Variants in APBB1IP observed in about 807,000 individuals in gnomAD.
The protein encoded by APBB1IP is amyloid beta A4 precursor protein-binding family B member 1-interacting protein.
A neutral mutation model predicts 64.9 loss-of-function variants in APBB1IP; 27 were observed. The observed-to-expected ratio is 0.42, with a 90% CI of 0.31 to 0.57. The LOEUF (loss-of-function observed/expected upper bound fraction) is 0.57. APBB1IP is among the 20% of genes least tolerant of loss of function. APBB1IP has a pLI of 0.20. For synonymous variants in APBB1IP, 392 were observed against 331.0 expected, an observed-to-expected ratio of 1.18 and a Z score of -2.00; for missense variants, 812 against 845.5, an observed-to-expected ratio of 0.96 and a Z score of 0.49.
At chr10:26,544,604 C>T (rs1227400935) in intron 11 of APBB1IP, among the ~76,000 whole-genome samples, 1 of 152,056 alleles carries the variant, frequency 6.6e-6, no homozygotes. Context: ...GAGCCAAACC[C>T]CAGGGCTGGG....
At chr10:26,505,466 TG>T (rs1348077473) in intron 6 of APBB1IP, among the ~76,000 whole-genome samples, 2 of 152,206 alleles carry the variant, frequency 1.3e-5, no homozygotes, top group Admixed American at 6.5e-5. Context: ...TGCTCAGTCC[TG>T]GGTGCCCAGT....
intron 11 of APBB1IP, among the ~76,000 whole-genome samples, chr10:26,554,017 C>T (rs1269430291): frequency 1.3e-5 from 2 of 152,190 alleles, no homozygotes; most frequent in Admixed American, 6.5e-5. Flanking sequence ...ACAGCTCCAA[C>T]CATTGTCTGT....
At chr10:26,445,978 G>T (rs1217350269) in intron 2 of APBB1IP, among the ~76,000 whole-genome samples, 1 of 152,190 alleles carries the variant, frequency 6.6e-6, no homozygotes, top group Non-Finnish European at 1.5e-5. Flanking sequence ...GCTGCTAAAA[G>T]GTATTCATTA....
At chr10:26,525,818 A>T (rs774017594) in intron 8 of APBB1IP, among the ~76,000 whole-genome samples, 19 of 152,242 alleles carry the variant, frequency 1.2e-4, no homozygotes, top group South Asian at 4.1e-4. Context: ...GTCGTGCAGA[A>T]GTGTGATTGC....
chr10:26,541,499 C>T, intron 10 of APBB1IP, 83 bp from the exon 11 acceptor site: 1 of 829,056 alleles, frequency 1.2e-6, no homozygotes, highest in Non-Finnish European at 2.0e-6. Flanking sequence ...AAATATAATC[C>T]TTAGTTGTGC....
chr10:26,526,931 A>C (rs1836482619), intron 8 of APBB1IP, among the ~76,000 whole-genome samples: 1 of 152,230 alleles, frequency 6.6e-6, no homozygotes, highest in Non-Finnish European at 1.5e-5. Context: ...TGCATGAGTG[A>C]GGAGCAGAGA....
intron 6 of APBB1IP, among the ~76,000 whole-genome samples, chr10:26,508,561 T>C (rs1836213331): frequency 6.6e-6 from 1 of 152,146 alleles, no homozygotes; most frequent in South Asian, 2.1e-4. Context: ...CTTTGCCCCA[T>C]AAATATGAAA....
chr10:26,490,202 G>A (rs1835937839), intron 2 of APBB1IP, among the ~76,000 whole-genome samples: 1 of 152,164 alleles, frequency 6.6e-6, no homozygotes, highest in East Asian at 1.9e-4. Flanking sequence ...CTTAAAGGGT[G>A]AACTATAAGT....
chr10:26,554,932 TCTTAA>T (rs1370393319), intron 11 of APBB1IP, among the ~76,000 whole-genome samples: 2 of 152,108 alleles, frequency 1.3e-5, no homozygotes, highest in African/African-American at 4.8e-5. Flanking sequence ...GATGACTTCA[TCTTAA>T]CTTTATTACA....
Position 26,505,099 on chromosome 10 carries a change from C to T in APBB1IP, c.531+1825C>T, listed in dbSNP as rs535539281. Among the ~76,000 whole-genome samples the T allele has an allele frequency of 9.1e-4, 139 of 152,276 alleles. 1 individual carries two copies. Among genetic ancestry groups the T allele is most frequent in the Non-Finnish European group, 3.4e-4 (23 of 68,026 alleles). ...CCTGAAGCAAATAACATCTCTGAGACTCATTGAGGATTTTCTGCTAAGAGT... is the reference window on the plus strand; with the variant it reads ...CCTGAAGCAAATAACATCTCTGAGATTCATTGAGGATTTTCTGCTAAGAGT... On this transcript the variant is annotated intron_variant, in intron 6 of 14. Coordinates refer to ENST00000376236, the MANE Select transcript of APBB1IP (RefSeq NM_019043.4).
chr10:26,547,821 G>A (rs571602098), intron 11 of APBB1IP, among the ~76,000 whole-genome samples: 1 of 152,118 alleles, frequency 6.6e-6, no homozygotes, highest in Non-Finnish European at 1.5e-5. Context: ...CAAGTTACAC[G>A]CTTTGCATGT....
chr10:26,501,613 G>C lies in APBB1IP; in HGVS notation c.453+502G>C, dbSNP rs1836101343. On this transcript the variant is annotated intron_variant, in intron 5 of 14. Coordinates refer to ENST00000376236, the MANE Select transcript of APBB1IP (RefSeq NM_019043.4). ...TGGGGAGGGTGTTACAAAGCAGGCA[G>C]ATGATGGGTGCTTGATATTGATAAA... 5.5e-5 allele frequency: 9 copies of C among 164,282 alleles called. No homozygotes were observed. The Admixed American group carries it at 5.5e-4, about 10-fold the overall frequency. 10.2% of individuals were successfully genotyped at this position (164,282 alleles called of 1,614,324 possible). A position where few individuals can be genotyped will look rare whatever the true frequency, so the allele number is the denominator to read the frequency against.
chr10:26,562,227 T>C, intron 13 of APBB1IP, 99 bp from the exon 14 acceptor site: 1 of 884,404 alleles, frequency 1.1e-6, no homozygotes, highest in South Asian at 1.4e-5. Flanking sequence ...GTATCTTTCT[T>C]TGCTTTAGAG....
chr10:26,524,275 G>A (rs1443564471), intron 8 of APBB1IP, among the ~76,000 whole-genome samples: 2 of 152,006 alleles, frequency 1.3e-5, no homozygotes, highest in Non-Finnish European at 2.9e-5. Flanking sequence ...CCATACCCGG[G>A]GGGTAAAGAG....
intron 11 of APBB1IP, among the ~76,000 whole-genome samples, chr10:26,546,353 C>T (rs1028502918): frequency 1.3e-5 from 2 of 152,108 alleles, no homozygotes; most frequent in African/African-American, 4.8e-5. Context: ...TGCTAGGCCC[C>T]CAGGGTTTTT....
In APBB1IP at chr10:26,567,617, T is replaced by C; in HGVS notation, c.*129T>C. 1.4e-6 allele frequency: 2 copies of C among 1,434,132 alleles called. No individual in the cohort carries two copies. The highest frequency in any genetic ancestry group is 1.9e-6 in the Non-Finnish European group (2 of 1,076,708). The allele number at this position is 1,434,132 out of a possible 1,614,324, so 88.8% of individuals were successfully genotyped here. A position where few individuals can be genotyped will look rare whatever the true frequency, so the allele number is the denominator to read the frequency against. On this transcript the variant is annotated 3_prime_UTR_variant, in exon 15 of 15. Coordinates refer to ENST00000376236, the MANE Select transcript of APBB1IP (RefSeq NM_019043.4). ...GATGGGAAACTTCTCACTGATGTGC[T>C]CAAGTACAGGCATAACCATTAACCC... is the stretch of plus-strand genomic sequence containing the variant.
Position 26,475,192 on chromosome 10 carries a change from G to A in APBB1IP, c.1-17135G>A, listed in dbSNP as rs188952160. On this transcript the variant is annotated intron_variant, in intron 2 of 14. Coordinates refer to ENST00000376236, the MANE Select transcript of APBB1IP (RefSeq NM_019043.4). ...GGCTGGAGTGCAGTGGTGCAATCTC[G>A]GTTCACTGCAACCTCCGCCTCCCAG... Among the ~76,000 whole-genome samples, 535 of 149,966 alleles carry A rather than the reference G, an allele frequency of 3.6e-3. 3 individuals carry two copies. The highest frequency in any genetic ancestry group is 0.012 in the African/African-American group (506 of 40,776).
intron 8 of APBB1IP, among the ~76,000 whole-genome samples, chr10:26,530,835 G>A (rs542084044): frequency 1.3e-5 from 2 of 152,074 alleles, no homozygotes; most frequent in Admixed American, 6.6e-5. Context: ...AAATAAAATC[G>A]TATCTGTAAA....
intron 2 of APBB1IP, among the ~76,000 whole-genome samples, chr10:26,458,444 A>C (rs1249170803): frequency 1.3e-5 from 2 of 151,624 alleles, no homozygotes; most frequent in African/African-American, 4.8e-5. Context: ...GGAGGGATGG[A>C]GGGAGGGAGA....
Sources: gnomAD v4.1 joint callset for allele counts (sites outside exome capture counted in the v4.1 genomes callset) on GRCh38, gnomAD v4.1.1 for gene constraint, MANE v1.5 for transcripts, NCBI Gene and HGNC (gene_info 2026-07-23, HGNC 2026-07-21) for gene names.